Variants in GRIN2A observed in about 807,000 individuals in gnomAD.
GRIN2A encodes glutamate ionotropic receptor NMDA type subunit 2A.
GRIN2A carries 22 observed loss-of-function variants against 113.4 expected under a neutral mutation model. That is an observed-to-expected ratio of 0.19 (90% confidence interval 0.14 to 0.28). The LOEUF is 0.28. Among genes scored for constraint, GRIN2A ranks in the 10% least tolerant of loss-of-function variants. The pLI is 1.00. For synonymous variants in GRIN2A, 827 were observed against 738.4 expected (o/e 1.12, Z -1.94); for missense variants, 1,502 against 1,887.0 (o/e 0.80, Z 3.78).
At chr16:10,076,292 T>A (rs1408160269) in intron 2 of GRIN2A, among the ~76,000 whole-genome samples, 2 of 152,102 alleles carry the variant, frequency 1.3e-5, no homozygotes, top group East Asian at 3.9e-4. Flanking sequence ...CACAACAGGA[T>A]CCAGTGGGCC....
At chr16:9,847,856 G>A (rs1269895327) in intron 5 of GRIN2A, among the ~76,000 whole-genome samples, 1 of 147,610 alleles carries the variant, frequency 6.8e-6, no homozygotes, top group Non-Finnish European at 1.5e-5. Flanking sequence ...ACTTCAAAGA[G>A]GCTGACATTT....
intron 3 of GRIN2A, among the ~76,000 whole-genome samples, chr16:9,932,513 C>A (rs2044617629): frequency 6.6e-6 from 1 of 151,862 alleles, no homozygotes; most frequent in Non-Finnish European, 1.5e-5. Flanking sequence ...GTAGCTGGGA[C>A]TACAGGCGTG....
intron 2 of GRIN2A, among the ~76,000 whole-genome samples, chr16:10,087,780 G>C (rs2048110363): frequency 6.6e-6 from 1 of 151,928 alleles, no homozygotes; most frequent in Non-Finnish European, 1.5e-5. Context: ...GCCTCCATCG[G>C]GGCTCAAGTG....
chr16:9,915,218 G>C (rs748073801), intron 3 of GRIN2A, among the ~76,000 whole-genome samples: 60 of 151,822 alleles, frequency 4.0e-4, no homozygotes, highest in Non-Finnish European at 8.4e-4. Flanking sequence ...TTACAGGCGT[G>C]AGCCACCACT....
At chr16:10,059,720 G>GAAA (rs34385533) in intron 2 of GRIN2A, among the ~76,000 whole-genome samples, 1 of 118,184 alleles carries the variant, frequency 8.5e-6, no homozygotes, top group Non-Finnish European at 1.8e-5. Flanking sequence ...CATCGTGACC[G>GAAA]AAAAAAAAAA....
intron 2 of GRIN2A, among the ~76,000 whole-genome samples, chr16:10,053,597 A>T (rs1472333982): frequency 6.6e-6 from 1 of 152,190 alleles, no homozygotes; most frequent in Non-Finnish European, 1.5e-5. Flanking sequence ...AGGAGGGCAA[A>T]TGTTGCACTA....
At chr16:9,828,871 C>A (rs1415032217) in intron 9 of GRIN2A, among the ~76,000 whole-genome samples, 1 of 152,194 alleles carries the variant, frequency 6.6e-6, no homozygotes, top group Non-Finnish European at 1.5e-5. Flanking sequence ...AAACTCTCTG[C>A]TCCTTTTGTG....
intron 5 of GRIN2A, among the ~76,000 whole-genome samples, chr16:9,848,141 A>G (rs1211325060): frequency 6.7e-6 from 1 of 148,192 alleles, no homozygotes; most frequent in Non-Finnish European, 1.5e-5. Context: ...TAGTTTATAT[A>G]TAAAATATGT....
intron 2 of GRIN2A, among the ~76,000 whole-genome samples, chr16:10,174,667 A>G (rs2050108804): frequency 6.6e-6 from 1 of 152,202 alleles, no homozygotes. Flanking sequence ...TTATCTTGGA[A>G]ATAAAGTATA....
At chr16:9,896,456 T>A (rs1426417670) in intron 3 of GRIN2A, among the ~76,000 whole-genome samples, 2 of 152,220 alleles carry the variant, frequency 1.3e-5, no homozygotes, top group African/African-American at 4.8e-5. Flanking sequence ...GTTCTCCACT[T>A]GTTCCCTTTT....
intron 2 of GRIN2A, among the ~76,000 whole-genome samples, chr16:10,113,058 C>G (rs2048651047): frequency 6.6e-6 from 1 of 152,066 alleles, no homozygotes; most frequent in African/African-American, 2.4e-5. Context: ...CTGAGCATCC[C>G]CTACAGAGTC....
intron 11 of GRIN2A, among the ~76,000 whole-genome samples, chr16:9,779,264 A>G (rs1227190201): frequency 6.6e-6 from 1 of 152,240 alleles, no homozygotes; most frequent in Non-Finnish European, 1.5e-5. Flanking sequence ...TGTAACTCCA[A>G]GGTAACCTAT....
chr16:10,115,516 C>T (rs939417278), intron 2 of GRIN2A, among the ~76,000 whole-genome samples: 1 of 152,168 alleles, frequency 6.6e-6, no homozygotes, highest in Non-Finnish European at 1.5e-5. Context: ...GGGCCTGCGC[C>T]CCCCCATAAA....
At chr16:10,039,802 G>GAGAGAGAGAGA (rs1555469289) in intron 2 of GRIN2A, among the ~76,000 whole-genome samples, 1 of 56,166 alleles carries the variant, frequency 1.8e-5, no homozygotes, top group African/African-American at 1.0e-4. Flanking sequence ...GGGAGGGGGA[G>GAGAGAGAGAGA]GGGGGGGAGA....
intron 2 of GRIN2A, among the ~76,000 whole-genome samples, chr16:9,952,490 G>A (rs1448058701): frequency 1.3e-5 from 2 of 152,158 alleles, no homozygotes; most frequent in East Asian, 1.9e-4. Flanking sequence ...CCAGAGAAGT[G>A]TGTGGCTAGG....
intron 11 of GRIN2A, among the ~76,000 whole-genome samples, chr16:9,783,277 C>T (rs1477811543): frequency 1.3e-5 from 2 of 152,206 alleles, no homozygotes; most frequent in South Asian, 2.1e-4. Context: ...CCCGTCTACA[C>T]GTATAAGGAA....
chr16:10,018,777 A>T (rs1435964106), intron 2 of GRIN2A, among the ~76,000 whole-genome samples: 1 of 152,062 alleles, frequency 6.6e-6, no homozygotes, highest in South Asian at 2.1e-4. Context: ...TCATCTCCCA[A>T]CCCGAGGTTG....
chr16:10,179,637 T>C, intron 2 of GRIN2A: 2 of 313,778 alleles, frequency 6.4e-6, no homozygotes, highest in East Asian at 1.3e-4. Flanking sequence ...GAAGCATATG[T>C]CTCCAGTGCT....
chr16:10,163,426 G>A (rs1394603740), intron 2 of GRIN2A, among the ~76,000 whole-genome samples: 1 of 152,182 alleles, frequency 6.6e-6, no homozygotes, highest in Non-Finnish European at 1.5e-5. Context: ...CAGCCATCCT[G>A]TGTCCTTTTC....
Sources: allele counts gnomAD v4.1 joint callset (sites outside exome capture counted in the v4.1 genomes callset), GRCh38; gene constraint gnomAD v4.1.1; transcripts MANE v1.5; gene names NCBI Gene and HGNC (gene_info 2026-07-23, HGNC 2026-07-21).